Variants in ZNF81 observed in about 807,000 individuals in gnomAD.
ZNF81 encodes zinc finger protein 81.
In ZNF81, 5 loss-of-function variants were observed where a neutral mutation model predicts 32.3. The observed-to-expected ratio is 0.15, with a 90% CI of 0.08 to 0.33. ZNF81 has a LOEUF of 0.33. ZNF81 is among the 10% of genes least tolerant of loss of function. The pLI, the probability that ZNF81 is intolerant of heterozygous loss-of-function variation, is 1.00. For synonymous variants in ZNF81, 163 were observed against 166.8 expected (o/e 0.98, Z 0.17); for missense variants, 379 against 479.8 (o/e 0.79, Z 1.96).
chrX:47,913,231 G>T (rs1556890127), intron 4 of ZNF81, among the ~76,000 whole-genome samples: 1 of 112,014 alleles, frequency 8.9e-6, no homozygotes, highest in African/African-American at 3.2e-5. Flanking sequence ...CAGAGCATTT[G>T]TTATAACAGA....
intron 3 of ZNF81, among the ~76,000 whole-genome samples, chrX:47,890,604 A>G (rs1469525659): frequency 8.9e-6 from 1 of 111,883 alleles, no homozygotes; most frequent in East Asian, 2.8e-4. Flanking sequence ...GCTGGATCAT[A>G]TGGTCCAAGC....
intron 2 of ZNF81, among the ~76,000 whole-genome samples, chrX:47,848,460 TTTTTC>T (rs1247911193): frequency 8.9e-6 from 1 of 112,106 alleles, no homozygotes; most frequent in Non-Finnish European, 1.9e-5. Flanking sequence ...GCTGTTATAT[TTTTTC>T]TTTTAAGTAG....
chrX:47,841,025 C>T, intron 1 of ZNF81: 1 of 858,665 alleles, frequency 1.2e-6, no homozygotes, highest in East Asian at 3.1e-5. Context: ...GTGCCCGTCT[C>T]CTTGAGGAAG....
At chrX:47,892,511 A>G (rs5906507) in intron 3 of ZNF81, among the ~76,000 whole-genome samples, 47,906 of 110,903 alleles carry the variant, frequency 0.43, 7,443 homozygotes, top group Non-Finnish European at 0.47. Context: ...TCCTCTGCAG[A>G]GTACCCAGGC....
At chrX:47,904,648 A>G (rs1556888773) in intron 4 of ZNF81, among the ~76,000 whole-genome samples, 1 of 111,904 alleles carries the variant, frequency 8.9e-6, no homozygotes, top group African/African-American at 3.2e-5. Context: ...TGTGGAAGTC[A>G]GTGCGGTGAT....
At chrX:47,855,814 C>T (rs782728498) in intron 2 of ZNF81, among the ~76,000 whole-genome samples, 2 of 109,930 alleles carry the variant, frequency 1.8e-5, no homozygotes, top group Non-Finnish European at 3.8e-5. Flanking sequence ...TTAGAGAAGC[C>T]GAGGCAGGTG....
intron 2 of ZNF81, among the ~76,000 whole-genome samples, chrX:47,882,189 TATATACACACCC>T (rs1393601831): frequency 9.0e-6 from 1 of 111,284 alleles, no homozygotes; most frequent in Non-Finnish European, 1.9e-5. Context: ...TATGTACATA[TATATACACACCC>T]ATATACACAC....
At chrX:47,900,707 A>G (rs2058695451) in intron 4 of ZNF81, among the ~76,000 whole-genome samples, 1 of 111,520 alleles carries the variant, frequency 9.0e-6, no homozygotes, top group South Asian at 3.7e-4. Context: ...GCAGGCAATT[A>G]ACTAGGTTAG....
intron 2 of ZNF81, among the ~76,000 whole-genome samples, chrX:47,854,605 TTCAA>T (rs1283712539): frequency 9.0e-6 from 1 of 111,311 alleles, no homozygotes; most frequent in Non-Finnish European, 1.9e-5. Flanking sequence ...TTGGCCTAAT[TTCAA>T]TATTGTTGTG....
intron 2 of ZNF81, among the ~76,000 whole-genome samples, chrX:47,849,629 G>A (rs782174104): frequency 2.8e-5 from 3 of 107,428 alleles, no homozygotes; most frequent in East Asian, 5.9e-4. Flanking sequence ...CTAAGATCGC[G>A]CCACTGCACT....
At chrX:47,899,269 C>A (rs1239249024) in intron 4 of ZNF81, among the ~76,000 whole-genome samples, 3 of 83,616 alleles carry the variant, frequency 3.6e-5, no homozygotes, top group African/African-American at 1.2e-4. Context: ...AAGTTCCTTT[C>A]TAATCCTAGC....
rs782040333 is a variant in ZNF81 at position 47,887,847 on chromosome X, A to G, written c.55-152A>G. On this transcript the variant is annotated intron_variant, in intron 2 of 4. Coordinates refer to ENST00000338637, the MANE Select transcript of ZNF81 (RefSeq NM_007137.5). ...ATTAGATTTTTATATTCTACACAAT[A>G]TTACATATGTGTATATATATAAACT... is the stretch of plus-strand genomic sequence containing the variant. 9 of 535,309 alleles carry G rather than the reference A, an allele frequency of 1.7e-5. No homozygotes were observed. In the African/African-American group the frequency reaches 1.9e-4, roughly 11 times the overall value. 44.1% of individuals were successfully genotyped at this position (535,309 alleles called of 1,213,427 possible).
chrX:47,899,489 G>C (rs1043925847), intron 4 of ZNF81, among the ~76,000 whole-genome samples: 1 of 109,663 alleles, frequency 9.1e-6, no homozygotes, highest in Non-Finnish European at 1.9e-5. Context: ...ATATATTGTT[G>C]GACTCTACTT....
At position 47,915,154 on chromosome X, in the gene ZNF81, A is replaced by G. The variant is rs2148045323; in HGVS notation, c.508A>G (p.Lys170Glu). 1 of 1,200,566 alleles carries G rather than the reference A, an allele frequency of 8.3e-7. No homozygotes were observed. The highest frequency in any genetic ancestry group is 3.0e-5 in the East Asian group (1 of 33,717). Residue 170 changes from lysine to glutamate, a missense_variant, in exon 5 of 5, where the codon AAA (lysine) becomes GAA (glutamate). Lys to Glu is a moderately conservative substitution (Grantham distance 56). Around this residue, in one of 2 missense-constraint regions of ZNF81, gnomAD observed 277 missense variants for 306.6 expected, o/e 0.90. Transcript: ENST00000338637. ...ILNTEWDYEY[K>E]DFGKFVHPSP... ...GAATACAGAGTGGGATTATGAATAT[A>G]AAGACTTTGGAAAATTTGTTCATCC...
At position 47,846,331 on chromosome X, in the gene ZNF81, A is replaced by G; in HGVS notation, c.54+10A>G. 1 of 1,206,959 alleles carries G rather than the reference A, an allele frequency of 8.3e-7. No homozygotes were observed. Among genetic ancestry groups the G allele is most frequent in the Non-Finnish European group, 1.1e-6 (1 of 893,376 alleles). On this transcript the variant is annotated intron_variant, in intron 2 of 4. Transcript: ENST00000338637. ...TGGCAGTGCCTGTGAGGTGAGGAGG[A>G]GGAAGAGGTGCCCAGGGATTGGAAT...
chrX:47,916,805 A>C lies in ZNF81; in HGVS notation c.*173A>C. On this transcript the variant is annotated 3_prime_UTR_variant, in exon 5 of 5. Transcript: ENST00000338637. The stretch of plus-strand genomic sequence containing the variant: ...AAATTATTCAGAAGAAACTCTCTTA[A>C]AAATGCATTGAAGGAGAGAGAATTT... 2.2e-6 allele frequency: 1 copy of C among 462,411 alleles called. No homozygotes were observed. The highest frequency in any genetic ancestry group is 3.3e-6 in the Non-Finnish European group (1 of 300,959). 38.1% of individuals were successfully genotyped at this position (462,411 alleles called of 1,213,427 possible).
intron 2 of ZNF81, among the ~76,000 whole-genome samples, chrX:47,857,511 A>G (rs2058522145): frequency 8.9e-6 from 1 of 112,076 alleles, no homozygotes; most frequent in Admixed American, 9.5e-5. Flanking sequence ...TGGACGGAAA[A>G]TTATAGATTT....
intron 2 of ZNF81, among the ~76,000 whole-genome samples, chrX:47,866,225 A>G (rs2058559435): frequency 8.9e-6 from 1 of 112,267 alleles, no homozygotes; most frequent in African/African-American, 3.2e-5. Flanking sequence ...GTCAGTGATA[A>G]AAGACCATTA....
rs1556887114 is a variant in ZNF81, at chrX:47,895,836, T to C, written c.182-9T>C. The C allele has an allele frequency of 4.2e-6, 5 of 1,194,358 alleles. No homozygotes were observed. In the East Asian group the frequency reaches 1.5e-4, roughly 35 times the overall value. ...CTGGACCCAATTCTCTATCGTGTCCTGTTAACAGGGTTCGAAGTTCCTAAA... is the reference window on the plus strand; with the variant it reads ...CTGGACCCAATTCTCTATCGTGTCCCGTTAACAGGGTTCGAAGTTCCTAAA... On this transcript the variant is annotated splice_polypyrimidine_tract_variant and intron_variant, in intron 3 of 4. Coordinates refer to ENST00000338637, the MANE Select transcript of ZNF81 (RefSeq NM_007137.5).
Sources: gnomAD v4.1 joint callset for allele counts (sites outside exome capture counted in the v4.1 genomes callset) on GRCh38, gnomAD v4.1.1 for gene constraint, gnomAD v4.1.1 regional missense constraint, MANE v1.5 for transcripts, NCBI Gene and HGNC (gene_info 2026-07-23, HGNC 2026-07-21) for gene names.